Variants in DRC11 observed in about 807,000 individuals in gnomAD.
The protein encoded by DRC11 is IQ and AAA domain-containing protein 1.
chr2:236,455,139 C>T, the DRC11 span: 2 of 152,262 alleles, frequency 1.3e-5, no homozygotes, highest in African/African-American at 2.4e-5. The surrounding 1 kb of genome is among the most constrained non-coding windows in gnomAD (Gnocchi z 5.7). Context: ...TTTGTGCAAC[C>T]ACCATCTGTT....
At chr2:236,499,806 C>T in the DRC11 span, among the ~76,000 whole-genome samples, 1 of 152,096 alleles carries the variant, frequency 6.6e-6, no homozygotes, top group East Asian at 1.9e-4. The surrounding 1 kb of genome is among the most constrained non-coding windows in gnomAD (Gnocchi z 4.7). Context: ...TCCTTTATTG[C>T]CATTTTGGAG....
the DRC11 span, among the ~76,000 whole-genome samples, chr2:236,430,538 C>A: frequency 3.3e-5 from 5 of 152,186 alleles, no homozygotes; most frequent in African/African-American, 1.2e-4. This position sits in a 1 kb window ranked among gnomAD's most constrained non-coding sequence, Gnocchi z 6.0. Flanking sequence ...TCATTTTTCA[C>A]AGGTGTATTG....
the DRC11 span, among the ~76,000 whole-genome samples, chr2:236,480,933 C>T: frequency 1.3e-5 from 2 of 152,166 alleles, no homozygotes; most frequent in African/African-American, 4.8e-5. Flanking sequence ...TAACTGCCTC[C>T]TTTTCAGTAC....
At chr2:236,468,950 C>G in the DRC11 span, among the ~76,000 whole-genome samples, 1 of 152,196 alleles carries the variant, frequency 6.6e-6, no homozygotes, top group East Asian at 1.9e-4. Context: ...TACAGACAAA[C>G]TATATTTTAC....
the DRC11 span, among the ~76,000 whole-genome samples, chr2:236,451,633 C>T: frequency 2.0e-5 from 3 of 152,076 alleles, no homozygotes; most frequent in African/African-American, 7.2e-5. Flanking sequence ...TGATAAGGCT[C>T]ACAGGTGGGG....
At chr2:236,428,297 T>C in the DRC11 span, among the ~76,000 whole-genome samples, 1 of 152,202 alleles carries the variant, frequency 6.6e-6, no homozygotes, top group Non-Finnish European at 1.5e-5. Context: ...ATTGATTTTA[T>C]GTTTGAATGA....
chr2:236,420,036 C>T, the DRC11 span, among the ~76,000 whole-genome samples: 1 of 152,290 alleles, frequency 6.6e-6, no homozygotes, highest in Non-Finnish European at 1.5e-5. This position sits in a 1 kb window ranked among gnomAD's most constrained non-coding sequence, Gnocchi z 4.8. Flanking sequence ...GCTGCATAAG[C>T]TCTCTGAGAC....
the DRC11 span, among the ~76,000 whole-genome samples, chr2:236,421,275 G>A: frequency 7.2e-5 from 11 of 152,064 alleles, no homozygotes; most frequent in African/African-American, 2.4e-4. Flanking sequence ...CCACGAGCTG[G>A]TTTTTTGAAA....
the DRC11 span, among the ~76,000 whole-genome samples, chr2:236,411,222 A>G: frequency 1.3e-5 from 2 of 152,378 alleles, no homozygotes; most frequent in African/African-American, 2.4e-5. Flanking sequence ...AACCCCATCA[A>G]AAAGTCGGTG....
chr2:236,489,291 C>T, the DRC11 span, among the ~76,000 whole-genome samples: 131 of 127,448 alleles, frequency 1.0e-3, no homozygotes, highest in African/African-American at 3.7e-3. Context: ...CCTGTGTGGG[C>T]TCTGGGTGCA....
At chr2:236,483,015 C>T in the DRC11 span, among the ~76,000 whole-genome samples, 1 of 152,170 alleles carries the variant, frequency 6.6e-6, no homozygotes, top group African/African-American at 2.4e-5. The surrounding 1 kb of genome is among the most constrained non-coding windows in gnomAD (Gnocchi z 4.8). Context: ...AATGGAAACT[C>T]TGTACCCATT....
the DRC11 span, chr2:236,503,648 G>C: frequency 6.4e-7 from 1 of 1,550,908 alleles, no homozygotes. This position sits in a 1 kb window ranked among gnomAD's most constrained non-coding sequence, Gnocchi z 4.9. Context: ...CCTCAGCGCT[G>C]AGAGACGGCG....
At chr2:236,452,549 A>G in the DRC11 span, among the ~76,000 whole-genome samples, 3 of 152,172 alleles carry the variant, frequency 2.0e-5, no homozygotes, top group African/African-American at 7.2e-5. The surrounding 1 kb of genome is among the most constrained non-coding windows in gnomAD (Gnocchi z 4.7). Context: ...CTATAAATTC[A>G]CTTACACTCA....
At chr2:236,325,662 G>C in the DRC11 span, among the ~76,000 whole-genome samples, 3 of 151,822 alleles carry the variant, frequency 2.0e-5, no homozygotes, top group African/African-American at 7.3e-5. The surrounding 1 kb of genome is among the most constrained non-coding windows in gnomAD (Gnocchi z 4.4). Flanking sequence ...GAGTGCAGTG[G>C]TGTGATCTCA....
the DRC11 span, among the ~76,000 whole-genome samples, chr2:236,318,181 C>T: frequency 1.3e-5 from 2 of 151,782 alleles, no homozygotes; most frequent in Admixed American, 6.6e-5. The surrounding 1 kb of genome is among the most constrained non-coding windows in gnomAD (Gnocchi z 7.0). Flanking sequence ...CTGCGTCAGC[C>T]TTTCCTGCAG....
At chr2:236,312,573 T>C in the DRC11 span, among the ~76,000 whole-genome samples, 1 of 151,910 alleles carries the variant, frequency 6.6e-6, no homozygotes, top group Non-Finnish European at 1.5e-5. Flanking sequence ...TCAGAAAAAA[T>C]TGTATAGGTC....
the DRC11 span, among the ~76,000 whole-genome samples, chr2:236,454,429 A>C: frequency 6.6e-6 from 1 of 152,194 alleles, no homozygotes; most frequent in Non-Finnish European, 1.5e-5. The surrounding 1 kb of genome is among the most constrained non-coding windows in gnomAD (Gnocchi z 5.3). Flanking sequence ...CACCAAAGCA[A>C]ACAGTAGAAA....
the DRC11 span, among the ~76,000 whole-genome samples, chr2:236,323,101 T>C: frequency 6.6e-6 from 1 of 152,230 alleles, no homozygotes. This position sits in a 1 kb window ranked among gnomAD's most constrained non-coding sequence, Gnocchi z 6.4. Flanking sequence ...TAAAAAACGG[T>C]TTACTTTTAC....
At chr2:236,329,574 A>AT in the DRC11 span, among the ~76,000 whole-genome samples, 1 of 151,188 alleles carries the variant, frequency 6.6e-6, no homozygotes, top group African/African-American at 2.4e-5. Flanking sequence ...ATTAGGTGAA[A>AT]TTTCTCAGGG....
Sources: allele counts gnomAD v4.1 joint callset (sites outside exome capture counted in the v4.1 genomes callset), GRCh38; gene constraint gnomAD v4.1.1; non-coding constraint Gnocchi (gnomAD v3.1); transcripts MANE v1.5; gene names NCBI Gene and HGNC (gene_info 2026-07-23, HGNC 2026-07-21).